The following SI variants were observed in gnomAD, a reference collection of about 807,000 sequenced individuals.
The protein encoded by SI is sucrase-isomaltase, intestinal.
A neutral mutation model predicts 253.3 loss-of-function variants in SI; 235 were observed. The observed-to-expected ratio is 0.93, with a 90% CI of 0.83 to 1.03. The LOEUF (loss-of-function observed/expected upper bound fraction) is 1.03. Ranked by LOEUF, SI falls within the 50% of genes least tolerant of loss-of-function variation. The pLI, the probability that SI is intolerant of heterozygous loss-of-function variation, is 0.00. For synonymous variants in SI, 819 were observed against 712.0 expected (o/e 1.15, Z -2.39); for missense variants, 2,442 against 2,211.1 (o/e 1.10, Z -2.09).
intron 34 of SI, among the ~76,000 whole-genome samples, chr3:165,011,849 C>T (rs1421875301): frequency 1.3e-5 from 2 of 150,598 alleles, no homozygotes; most frequent in East Asian, 2.0e-4. Flanking sequence ...AACAGCATTG[C>T]TGTTTCTCAT....
At position 165,039,905 on chromosome 3, in the gene SI, A is replaced by G. The variant is rs1712727451; in HGVS notation, c.2226T>C (p.Ile742=). 1.2e-6 allele frequency: 2 copies of G among 1,612,686 alleles called. No homozygotes were observed. The highest frequency in any genetic ancestry group is 3.3e-4 in the Middle Eastern group (2 of 6,052). Residue 742 remains isoleucine (I), a synonymous_variant, in exon 19 of 48, where the codon ATT becomes ATC. Coordinates refer to ENST00000264382, the MANE Select transcript of SI (RefSeq NM_001041.4). The part of the protein sequence containing the change: ...TEFLWGPALL[I]TPVLKQGADT... ...AGCCTACCTGTTTTAGAACAGGAGT[A>G]ATAAGTAATGCAGGGCCCCACAAAA...
intron 45 of SI, among the ~76,000 whole-genome samples, chr3:164,985,793 C>G (rs990927264): frequency 2.0e-5 from 3 of 151,994 alleles, no homozygotes; most frequent in African/African-American, 7.2e-5. Flanking sequence ...TGTTTACATA[C>G]AGAATAAAAA....
chr3:164,982,950 T>C (rs1717261833), intron 46 of SI, 52 bp downstream of exon 46: 3 of 1,521,554 alleles, frequency 2.0e-6, no homozygotes, highest in Non-Finnish European at 9.0e-7. Flanking sequence ...CCCACCCAGC[T>C]GTGAACTTCA....
chr3:165,065,492 TATGA>T, intron 6 of SI, 60 bp from the exon 7 acceptor site: 1 of 279,336 alleles, frequency 3.6e-6, no homozygotes, highest in Non-Finnish European at 5.9e-6. Context: ...TATATATATA[TATGA>T]TATTCTACCA....
At chr3:164,986,145 T>G (rs537181874) in intron 45 of SI, among the ~76,000 whole-genome samples, 1 of 152,230 alleles carries the variant, frequency 6.6e-6, no homozygotes, top group South Asian at 2.1e-4. Context: ...CTTGTACATT[T>G]TGGGGGCTCA....
chr3:164,980,367 T>C (rs1474733932), intron 47 of SI, among the ~76,000 whole-genome samples: 1 of 151,968 alleles, frequency 6.6e-6, no homozygotes, highest in Non-Finnish European at 1.5e-5. Flanking sequence ...ATACACCACA[T>C]AGCTTTTAAT....
intron 44 of SI, among the ~76,000 whole-genome samples, chr3:164,989,472 G>GGAGAA (rs1049952715): frequency 4.6e-5 from 7 of 150,698 alleles, no homozygotes; most frequent in African/African-American, 9.9e-5. Context: ...GGAGAAGAGA[G>GGAGAA]GAGAAGAGAA....
chr3:165,021,432 A>G (rs1345378843), intron 26 of SI, 49 bp from the exon 27 acceptor site: 3 of 1,404,042 alleles, frequency 2.1e-6, no homozygotes, highest in African/African-American at 1.4e-5. Context: ...CTGACATAGC[A>G]TGTACATATC....
chr3:165,062,176 T>C (rs1385006488), intron 9 of SI, among the ~76,000 whole-genome samples, 195 bp downstream of exon 9: 2 of 151,652 alleles, frequency 1.3e-5, no homozygotes, highest in Non-Finnish European at 2.9e-5. Context: ...GAAACATAGA[T>C]ACTTGAGTAT....
chr3:165,082,339 T>C (rs569445556), upstream of SI, among the ~76,000 whole-genome samples: 11 of 152,056 alleles, frequency 7.2e-5, no homozygotes, highest in African/African-American at 2.6e-4. Context: ...AATTACATTA[T>C]TGTAATTGTT....
Position 165,032,711 on chromosome 3 carries a change from G to A in SI, c.2566-19C>T, listed in dbSNP as rs1188604485. The A allele has an allele frequency of 6.6e-7, 1 of 1,513,160 alleles. No homozygotes were observed. The highest frequency in any genetic ancestry group is 9.1e-7 in the Non-Finnish European group (1 of 1,094,186). The allele number at this position is 1,513,160 out of a possible 1,614,324, so 93.7% of individuals were successfully genotyped here. A position where few individuals can be genotyped will look rare whatever the true frequency, so the allele number is the denominator to read the frequency against. On this transcript the variant is annotated intron_variant, in intron 23 of 47. Coordinates refer to ENST00000264382, the MANE Select transcript of SI (RefSeq NM_001041.4). ...ATGTGTTCTGAGAAAAATAGTATAA[G>A]ATATTATATATTAGGTCATCAGATA...
chr3:164,992,845 G>T (rs1717830622), intron 41 of SI, among the ~76,000 whole-genome samples: 1 of 151,680 alleles, frequency 6.6e-6, no homozygotes, highest in Non-Finnish European at 1.5e-5. Context: ...CTAAATAGTA[G>T]ATTTACATGT....
Position 165,021,292 on chromosome 3 carries a change from T to G in SI, c.3191A>C (p.Asp1064Ala). 2 of 1,611,508 alleles carry G rather than the reference T, an allele frequency of 1.2e-6. No homozygotes were observed. Among genetic ancestry groups the G allele is most frequent in the Non-Finnish European group, 1.7e-6 (2 of 1,178,192 alleles). Residue 1064 changes from aspartate to alanine, a missense_variant, in exon 27 of 48, where the codon GAT (aspartate) becomes GCT (alanine). Physicochemically the swap from Asp to Ala is moderately radical, Grantham distance 126. Coordinates refer to ENST00000264382, the MANE Select transcript of SI (RefSeq NM_001041.4). ...PISTYEDRLY[D>A]VEIKENPFGI... ...AAAAGGATTTTCCTTGATTTCCACA[T>G]CATAAAGTCTGTCTTCATAAGTACT...
chr3:164,992,804 AAG>A (rs751389741), intron 41 of SI, among the ~76,000 whole-genome samples: 3 of 152,068 alleles, frequency 2.0e-5, no homozygotes, highest in South Asian at 4.1e-4. Context: ...TAATTTTAAA[AAG>A]AGTTTGCTTA....
chr3:165,038,271 A>G (rs1181592600), intron 20 of SI, among the ~76,000 whole-genome samples: 1 of 152,058 alleles, frequency 6.6e-6, no homozygotes, highest in East Asian at 1.9e-4. Flanking sequence ...TACAATAATT[A>G]ACAGTACTTT....
At chr3:164,983,136 C>G in intron 45 of SI, 85 bp from the exon 46 acceptor site, 3 of 1,326,158 alleles carry the variant, frequency 2.3e-6, no homozygotes, top group Middle Eastern at 2.0e-4. Flanking sequence ...CTTCTCTTTC[C>G]CAGTATAAAA....
In SI at chr3:165,043,130, G is replaced by A; in HGVS notation, c.1933C>T (p.Leu645Phe). Residue 645 changes from leucine to phenylalanine, a missense_variant, in exon 17 of 48, where the codon CTT becomes TTT. Leu to Phe is a conservative substitution (Grantham distance 22, BLOSUM62 0). Coordinates refer to ENST00000264382, the MANE Select transcript of SI (RefSeq NM_001041.4). The stretch of plus-strand genomic sequence containing the variant: ...CCAAGTTGCATCCATCTTCTGCAAA[G>A]TTCTTCTGTGGTTTCAGCCACAAAT... The part of the protein sequence containing the change: ...CGFVAETTEE[L>F]CRRWMQLGAF... The A allele has an allele frequency of 6.2e-7, 1 of 1,612,618 alleles. No homozygotes were observed. Among genetic ancestry groups the A allele is most frequent in the Non-Finnish European group, 8.5e-7 (1 of 1,179,150 alleles).
intron 3 of SI, 60 bp downstream of exon 3, chr3:165,074,471 A>C: frequency 9.3e-7 from 1 of 1,073,074 alleles, no homozygotes; most frequent in Admixed American, 2.7e-5. Flanking sequence ...ATATTCAGCA[A>C]TTATCTTAAT....
rs771662500 is a variant in SI at position 165,009,398 on chromosome 3, G to C, written c.4063-3C>G. On this transcript the variant is annotated splice_region_variant and splice_polypyrimidine_tract_variant and intron_variant, in intron 34 of 47. Transcript: ENST00000264382. Reference sequence around the variant, plus strand: ...AAAGCTACATGAGCTCTGGAAGCCTGTAAAACCAAAATTTAGGCTCACATG... The same window carrying C: ...AAAGCTACATGAGCTCTGGAAGCCTCTAAAACCAAAATTTAGGCTCACATG... 8 of 1,579,882 alleles carry C rather than the reference G, an allele frequency of 5.1e-6. No individual in the cohort carries two copies. The East Asian group carries it at 1.8e-4, about 35-fold the overall frequency.
Sources: gnomAD v4.1 joint callset for allele counts (sites outside exome capture counted in the v4.1 genomes callset) on GRCh38, gnomAD v4.1.1 for gene constraint, MANE v1.5 for transcripts, NCBI Gene and HGNC (gene_info 2026-07-23, HGNC 2026-07-21) for gene names.